CSMD2: variants seen among roughly 807,000 people sequenced by gnomAD.
CSMD2 encodes the protein CUB and sushi domain-containing protein 2.
Under a neutral mutation model 398.5 loss-of-function variants are expected in CSMD2, and 130 were observed. That is an observed-to-expected ratio of 0.33 (90% CI 0.28 to 0.38). CSMD2 has a LOEUF of 0.38. Ranked by LOEUF, CSMD2 falls within the 10% of genes least tolerant of loss-of-function variation. CSMD2 has a pLI of 1.00. For synonymous variants in CSMD2, 1,828 were observed against 1,908.5 expected (o/e 0.96, Z 1.10); for missense variants, 3,829 against 4,764.9 (o/e 0.80, Z 5.78).
intron 4 of CSMD2, among the ~76,000 whole-genome samples, chr1:33,929,354 A>G (rs889474952): frequency 1.1e-4 from 17 of 151,970 alleles, no homozygotes; most frequent in Non-Finnish European, 2.1e-4. Flanking sequence ...ATCTTTTAAA[A>G]AAATTAAGTT....
At chr1:33,966,615 A>AG (rs559307766) in intron 3 of CSMD2, among the ~76,000 whole-genome samples, 59 of 152,212 alleles carry the variant, frequency 3.9e-4, no homozygotes, top group Non-Finnish European at 6.9e-4. Context: ...AAAGTAAGCG[A>AG]GGGAGTCTAA....
At chr1:33,684,722 C>T (rs1238379315) in intron 25 of CSMD2, among the ~76,000 whole-genome samples, 3 of 152,182 alleles carry the variant, frequency 2.0e-5, no homozygotes, top group East Asian at 1.9e-4. Context: ...CTGGGAGGGC[C>T]TCACCTCCAC....
chr1:33,751,549 C>T (rs1648248828), intron 13 of CSMD2, among the ~76,000 whole-genome samples: 1 of 152,140 alleles, frequency 6.6e-6, no homozygotes, highest in African/African-American at 2.4e-5. Context: ...ACATAGACAT[C>T]CTGCTACAGA....
At chr1:34,009,847 T>C (rs1440201865) in intron 3 of CSMD2, among the ~76,000 whole-genome samples, 3 of 152,098 alleles carry the variant, frequency 2.0e-5, no homozygotes. Flanking sequence ...CCCTAGTCTC[T>C]CCCCTACATC....
intron 5 of CSMD2, among the ~76,000 whole-genome samples, chr1:33,867,616 T>A (rs1333499622): frequency 6.6e-6 from 1 of 152,240 alleles, no homozygotes; most frequent in Non-Finnish European, 1.5e-5. Context: ...GAAGAGACTG[T>A]CTTTAATCTT....
At chr1:34,073,576 A>T (rs1196355556) in intron 2 of CSMD2, among the ~76,000 whole-genome samples, 1 of 152,228 alleles carries the variant, frequency 6.6e-6, no homozygotes, top group Admixed American at 6.5e-5. Flanking sequence ...TACACTGCTG[A>T]CCTTCTTAAA....
chr1:33,689,235 G>C (rs1645156737), intron 25 of CSMD2, among the ~76,000 whole-genome samples: 3 of 152,104 alleles, frequency 2.0e-5, no homozygotes, highest in Non-Finnish European at 4.4e-5. Flanking sequence ...ATGAGGAAGG[G>C]ACAGTGTCTT....
At chr1:33,681,723 T>C (rs552405318) in intron 25 of CSMD2, among the ~76,000 whole-genome samples, 89 of 152,302 alleles carry the variant, frequency 5.8e-4, no homozygotes, top group African/African-American at 2.0e-3. Flanking sequence ...CCCAGCACTT[T>C]GGGAGGCCGA....
chr1:33,768,104 T>A (rs897350809), intron 13 of CSMD2, among the ~76,000 whole-genome samples: 1 of 152,214 alleles, frequency 6.6e-6, no homozygotes, highest in Non-Finnish European at 1.5e-5. Flanking sequence ...CCCAATAATG[T>A]AGAACATTTA....
chr1:34,008,228 A>G (rs1323850956), intron 3 of CSMD2, among the ~76,000 whole-genome samples: 1 of 152,134 alleles, frequency 6.6e-6, no homozygotes, highest in Non-Finnish European at 1.5e-5. Flanking sequence ...TTCACCTTCC[A>G]AAGTACCCTG....
At chr1:33,691,326 C>A (rs1032489180) in intron 25 of CSMD2, among the ~76,000 whole-genome samples, 1 of 152,256 alleles carries the variant, frequency 6.6e-6, no homozygotes, top group East Asian at 1.9e-4. Flanking sequence ...ATCAGGTATG[C>A]TTTCAGAAGG....
At chr1:34,092,723 C>T (rs1387706273) in intron 1 of CSMD2, among the ~76,000 whole-genome samples, 4 of 152,022 alleles carry the variant, frequency 2.6e-5, no homozygotes, top group South Asian at 2.1e-4. Flanking sequence ...CGGCGCACCA[C>T]GAGATTATAT....
intron 29 of CSMD2, among the ~76,000 whole-genome samples, chr1:33,646,343 G>A (rs1193993930): frequency 6.6e-6 from 1 of 152,154 alleles, no homozygotes; most frequent in Admixed American, 6.5e-5. Context: ...TGATAGCTAT[G>A]AGGTTGAAAT....
chr1:33,815,787 T>G (rs545667951), intron 9 of CSMD2, among the ~76,000 whole-genome samples: 1 of 152,326 alleles, frequency 6.6e-6, no homozygotes, highest in African/African-American at 2.4e-5. Context: ...GCTTTATCAT[T>G]AGCACATATA....
chr1:33,822,510 G>A (rs1289612470), intron 7 of CSMD2, among the ~76,000 whole-genome samples: 1 of 152,178 alleles, frequency 6.6e-6, no homozygotes, highest in African/African-American at 2.4e-5. Flanking sequence ...TCTTGGTTGT[G>A]TGCAGTGCAC....
intron 13 of CSMD2, among the ~76,000 whole-genome samples, chr1:33,761,623 T>C (rs1649825375): frequency 6.6e-6 from 1 of 152,144 alleles, no homozygotes; most frequent in Admixed American, 6.5e-5. Context: ...TCAGGGCCTG[T>C]CCTCTTCACT....
chr1:34,079,206 C>T (rs1384701837), intron 2 of CSMD2, among the ~76,000 whole-genome samples: 1 of 152,110 alleles, frequency 6.6e-6, no homozygotes, highest in Non-Finnish European at 1.5e-5. Flanking sequence ...AGGAATAAGT[C>T]AAGGCTAGCC....
At position 33,657,951 on chromosome 1, in the gene CSMD2, C is replaced by T; in HGVS notation, c.4442G>A (p.Cys1481Tyr). ...ACCCTGCAGCTGCTTTGTACCGATG[C>T]ATGTTGGCGGGCTGGGCTGCCAGAA... The part of the protein sequence containing the change: ...RFFWQPSPPT[C>Y]IAPCGGDLTG... Residue 1481 changes from cysteine (C) to tyrosine (Y), a missense_variant, in exon 27 of 71, where the codon TGC becomes TAC. Coordinates refer to ENST00000373381, the MANE Select transcript of CSMD2 (RefSeq NM_001281956.2). The T allele has an allele frequency of 6.2e-7, 1 of 1,613,218 alleles. No homozygotes were observed. Among genetic ancestry groups the T allele is most frequent in the Non-Finnish European group, 8.5e-7 (1 of 1,179,308 alleles).
At chr1:33,919,768 C>T (rs1449234344) in intron 4 of CSMD2, among the ~76,000 whole-genome samples, 3 of 151,978 alleles carry the variant, frequency 2.0e-5, no homozygotes, top group Non-Finnish European at 4.4e-5. Flanking sequence ...GCAGTGATAG[C>T]ACATAGTTAG....
Sources: allele counts gnomAD v4.1 joint callset (sites outside exome capture counted in the v4.1 genomes callset), GRCh38; gene constraint gnomAD v4.1.1; transcripts MANE v1.5; gene names NCBI Gene and HGNC (gene_info 2026-07-23, HGNC 2026-07-21).